The following CNRIP1 variants were observed in gnomAD, a reference collection of about 807,000 sequenced individuals.
CNRIP1 encodes the protein cannabinoid receptor interacting protein 1.
CNRIP1 carries 10 observed loss-of-function variants against 15.2 expected under a neutral mutation model. The observed-to-expected ratio is 0.66, with a 90% CI of 0.41 to 1.12. The LOEUF is 1.12. Ranked by LOEUF, CNRIP1 falls within the 50% of genes most tolerant of loss-of-function variation. The probability of loss-of-function intolerance (pLI) is 0.00; values close to 1 mark genes in which losing one functional copy is unlikely to be tolerated. For missense variants in CNRIP1, 211 were observed against 214.7 expected (o/e 0.98, Z 0.11); for synonymous variants, 91 against 83.2 (o/e 1.09, Z -0.51).
At chr2:68,306,126 A>G (rs1343092961) in intron 2 of CNRIP1, among the ~76,000 whole-genome samples, 2 of 124,360 alleles carry the variant, frequency 1.6e-5, no homozygotes, top group African/African-American at 3.5e-5. Flanking sequence ...CACCTCTACA[A>G]AAAAAAAAAA....
At chr2:68,291,692 A>G (rs1046418837), downstream of CNRIP1, among the ~76,000 whole-genome samples, 1 of 152,188 alleles carries the variant, frequency 6.6e-6, no homozygotes, top group African/African-American at 2.4e-5. Context: ...CAGCTTGACC[A>G]ACATGGTGAA....
intron 1 of CNRIP1, among the ~76,000 whole-genome samples, chr2:68,318,097 A>G (rs1283431968): frequency 6.6e-6 from 1 of 152,042 alleles, no homozygotes; most frequent in Non-Finnish European, 1.5e-5. Flanking sequence ...CCTGGATTAT[A>G]TCCAGGTGCA....
intron 2 of CNRIP1, among the ~76,000 whole-genome samples, chr2:68,305,257 A>ATATAT (rs1440564058): frequency 3.5e-5 from 2 of 57,030 alleles, no homozygotes; most frequent in African/African-American, 1.3e-4. Context: ...AAAAAAAAAA[A>ATATAT]AAATATATAT....
intron 2 of CNRIP1, chr2:68,316,589 A>ATGAT (rs1672279663): frequency 6.7e-6 from 1 of 150,332 alleles, no homozygotes; most frequent in African/African-American, 2.4e-5. Context: ...TTTATTATAT[A>ATGAT]TGATATCTGA....
chr2:68,307,363 C>T (rs920592313), intron 2 of CNRIP1, among the ~76,000 whole-genome samples: 3 of 152,150 alleles, frequency 2.0e-5, no homozygotes, highest in Admixed American at 6.5e-5. Context: ...ACTCTGTGGC[C>T]CAGGCTGGAG....
intron 2 of CNRIP1, among the ~76,000 whole-genome samples, chr2:68,308,472 CTTT>C (rs1279451520): frequency 6.6e-6 from 1 of 151,794 alleles, no homozygotes; most frequent in East Asian, 1.9e-4. Flanking sequence ...TCTTATTTTT[CTTT>C]ATGATTTCTA....
intron 2 of CNRIP1, among the ~76,000 whole-genome samples, chr2:68,302,005 A>T (rs1289049687): frequency 6.6e-6 from 1 of 152,004 alleles, no homozygotes; most frequent in Non-Finnish European, 1.5e-5. Flanking sequence ...TTCATATTTC[A>T]TAAAGAAATA....
intron 2 of CNRIP1, among the ~76,000 whole-genome samples, chr2:68,295,010 G>A (rs1164783086): frequency 1.3e-5 from 2 of 152,340 alleles, no homozygotes; most frequent in East Asian, 1.9e-4. Context: ...CAAGTGGCCT[G>A]TGGGGTAGCC....
At position 68,319,499 on chromosome 2, in the gene CNRIP1, G is replaced by T; in HGVS notation, c.-99C>A. 8.1e-7 allele frequency: 1 copy of T among 1,227,946 alleles called. No homozygotes were observed. Among genetic ancestry groups the T allele is most frequent in the Non-Finnish European group, 1.1e-6 (1 of 921,966 alleles). The allele number at this position is 1,227,946 out of a possible 1,614,324, so 76.1% of individuals were successfully genotyped here. On this transcript the variant is annotated 5_prime_UTR_variant, in exon 1 of 3. Coordinates refer to ENST00000263655, the MANE Select transcript of CNRIP1 (RefSeq NM_015463.3). ...GCGAGGGGCGGAGAGGAAGCGCGGG[G>T]AGGGTGAGGGAGGTGGTGGAGCTGA...
At chr2:68,316,074 G>A (rs1293900954) in intron 2 of CNRIP1, 1 of 152,194 alleles carries the variant, frequency 6.6e-6, no homozygotes, top group African/African-American at 2.4e-5. Context: ...GCAAAGGGAT[G>A]AGCTGCTAGA....
At chr2:68,308,234 C>CAAAACAAAACAAAA (rs58544763) in intron 2 of CNRIP1, among the ~76,000 whole-genome samples, 16 of 151,716 alleles carry the variant, frequency 1.1e-4, no homozygotes, top group African/African-American at 2.9e-4. Flanking sequence ...ACAAAAAAAA[C>CAAAACAAAACAAAA]CCCCGATGTC....
At chr2:68,299,445 C>T (rs969714801) in intron 2 of CNRIP1, among the ~76,000 whole-genome samples, 2 of 152,112 alleles carry the variant, frequency 1.3e-5, no homozygotes, top group Non-Finnish European at 2.9e-5. Flanking sequence ...TCAGTGCCCT[C>T]ATAAGGTACA....
Position 68,294,001 on chromosome 2 carries a change from G to A in CNRIP1, c.356C>T (p.Thr119Ile). Residue 119 changes from threonine to isoleucine, a missense_variant, in exon 3 of 3, where the codon ACA becomes ATA. Physicochemically the swap from Thr to Ile is moderately conservative, Grantham distance 89. Coordinates refer to ENST00000263655, the MANE Select transcript of CNRIP1 (RefSeq NM_015463.3). ...ATTGTAGAACTTGACTTGCCACACT[G>A]TCTCGAAGGTCCCAATGTCTGTGAA... ...MPFTDIGTFE[T>I]VWQVKFYNYH... is the part of the protein sequence containing the mutation. 1 of 1,614,000 alleles carries A rather than the reference G, an allele frequency of 6.2e-7. No individual in the cohort carries two copies. The highest frequency in any genetic ancestry group is 8.5e-7 in the Non-Finnish European group (1 of 1,179,948).
At chr2:68,292,238 AAAAC>A (rs755558897), downstream of CNRIP1, among the ~76,000 whole-genome samples, 101 of 152,228 alleles carry the variant, frequency 6.6e-4, 1 homozygote, top group Non-Finnish European at 2.4e-4. Context: ...AAAAAACAAA[AAAAC>A]AAACAAAAAA....
At chr2:68,302,619 C>G (rs111353793) in intron 2 of CNRIP1, among the ~76,000 whole-genome samples, 3,922 of 152,212 alleles carry the variant, frequency 0.026, 165 homozygotes, top group African/African-American at 0.087. Context: ...ACTTCAGTGG[C>G]CACTCACAGC....
chr2:68,304,416 G>T (rs987436826), intron 2 of CNRIP1, among the ~76,000 whole-genome samples: 5 of 148,926 alleles, frequency 3.4e-5, no homozygotes, highest in African/African-American at 1.2e-4. Flanking sequence ...AAAAAATAAA[G>T]TTGGAGAGCC....
downstream of CNRIP1, among the ~76,000 whole-genome samples, chr2:68,290,424 TTTTA>T (rs952893283): frequency 6.6e-6 from 1 of 152,200 alleles, no homozygotes; most frequent in Non-Finnish European, 1.5e-5. Context: ...GCTTATCAAT[TTTTA>T]TTTGATATAT....
chr2:68,305,268 A>ATGTGTGTGTG (rs1478276359), intron 2 of CNRIP1, among the ~76,000 whole-genome samples: 11 of 103,604 alleles, frequency 1.1e-4, no homozygotes, highest in African/African-American at 3.9e-4. Context: ...AAATATATAT[A>ATGTGTGTGTG]TATATATGTG....
chr2:68,303,935 G>C (rs1245514859), intron 2 of CNRIP1, among the ~76,000 whole-genome samples: 1 of 152,056 alleles, frequency 6.6e-6, no homozygotes, highest in Non-Finnish European at 1.5e-5. Flanking sequence ...AAAATTAGCT[G>C]GGTATGGTGG....
Sources: allele counts gnomAD v4.1 joint callset (sites outside exome capture counted in the v4.1 genomes callset), GRCh38; gene constraint gnomAD v4.1.1; transcripts MANE v1.5; gene names NCBI Gene and HGNC (gene_info 2026-07-23, HGNC 2026-07-21).